The following LETM1 variants were observed in gnomAD, a reference collection of about 807,000 sequenced individuals.
The protein encoded by LETM1 is mitochondrial proton/calcium exchanger protein.
Under a neutral mutation model 74.5 loss-of-function variants are expected in LETM1, and 50 were observed. That is an observed-to-expected ratio of 0.67 (90% CI 0.53 to 0.85). The LOEUF is 0.85. LETM1 is among the 40% of genes least tolerant of loss of function. LETM1 has a pLI of 0.00. For missense variants in LETM1, 824 were observed against 967.8 expected, an observed-to-expected ratio of 0.85 and a Z score of 1.97; for synonymous variants, 446 against 407.1, an observed-to-expected ratio of 1.10 and a Z score of -1.15.
rs560051615 is a variant in LETM1 at position 1,819,598 on chromosome 4, T to C, written c.1609-126A>G. 49 of 1,121,044 alleles carry C rather than the reference T, an allele frequency of 4.4e-5. No homozygotes were observed. In the African/African-American group the frequency reaches 6.0e-4, roughly 14 times the overall value. 69.4% of individuals were successfully genotyped at this position (1,121,044 alleles called of 1,614,324 possible). A position where few individuals can be genotyped will look rare whatever the true frequency, so the allele number is the denominator to read the frequency against. ...GGGCAAGAGTCTCACTGGACAGTCA[T>C]TGGTAACAAGAGACCCGCGGGGTTC... On this transcript the variant is annotated intron_variant, in intron 10 of 13. Transcript: ENST00000302787.
intron 7 of LETM1, among the ~76,000 whole-genome samples, chr4:1,825,062 T>C (rs1711935064): frequency 6.6e-6 from 1 of 151,938 alleles, no homozygotes; most frequent in African/African-American, 2.4e-5. Flanking sequence ...CATGTAAGAG[T>C]GAGTGGCTGG....
At chr4:1,820,097 T>C (rs965920859) in intron 10 of LETM1, among the ~76,000 whole-genome samples, 3 of 152,164 alleles carry the variant, frequency 2.0e-5, no homozygotes, top group African/African-American at 7.2e-5. Flanking sequence ...CTGACATATC[T>C]GTCCAACTTT....
intron 2 of LETM1, among the ~76,000 whole-genome samples, chr4:1,843,385 C>T (rs998223475): frequency 2.0e-5 from 3 of 152,210 alleles, no homozygotes; most frequent in Middle Eastern, 3.2e-3. Context: ...TGGGGATCCT[C>T]GGCTTGCAGC....
rs111465932 is a variant in LETM1, at chr4:1,818,866, G to T, written c.1743+472C>A. Among the ~76,000 whole-genome samples, 312 of 152,162 alleles carry T rather than the reference G, an allele frequency of 2.1e-3. 1 individual carries two copies. Among genetic ancestry groups the T allele is most frequent in the African/African-American group, 7.2e-3 (300 of 41,528 alleles). ...AGAGGGCGAGGCAGGTCGGTCACCT[G>T]GGGCCAGGAGTTCGAGATGAGCCTG... On this transcript the variant is annotated intron_variant, in intron 11 of 13. Transcript: ENST00000302787.
At chr4:1,821,110 G>T (rs1425968067) in intron 10 of LETM1, among the ~76,000 whole-genome samples, 2 of 151,094 alleles carry the variant, frequency 1.3e-5, no homozygotes, top group Admixed American at 1.3e-4. Flanking sequence ...TATTTGATTT[G>T]CTAAAAAGTG....
chr4:1,841,843 C>T, intron 2 of LETM1, 46 bp from the exon 3 acceptor site: 1 of 1,411,582 alleles, frequency 7.1e-7, no homozygotes, highest in Non-Finnish European at 9.8e-7. Context: ...CCAGCACTAG[C>T]CTTTGACAGC....
intron 1 of LETM1, among the ~76,000 whole-genome samples, chr4:1,851,207 C>T (rs1713059991): frequency 6.6e-6 from 1 of 152,184 alleles, no homozygotes; most frequent in Admixed American, 6.6e-5. Context: ...GGTGCCAGGC[C>T]AGGCTGTGCA....
At chr4:1,815,600 C>A (rs1381115289) in intron 13 of LETM1, 64 bp downstream of exon 13, 1 of 1,587,888 alleles carries the variant, frequency 6.3e-7, no homozygotes, top group African/African-American at 1.3e-5. Flanking sequence ...ATGAACAGTC[C>A]CCCTGCCCCA....
At chr4:1,843,337 G>A (rs1478404142) in intron 2 of LETM1, 1 of 153,068 alleles carries the variant, frequency 6.5e-6, no homozygotes, top group African/African-American at 2.4e-5. Flanking sequence ...CTGGAAGCCA[G>A]GCGGGGAACT....
intron 11 of LETM1, among the ~76,000 whole-genome samples, chr4:1,817,163 T>TGAACCCAG (rs1292313375): frequency 6.7e-6 from 1 of 149,860 alleles, no homozygotes. Context: ...GAGAATCGCT[T>TGAACCCAG]GAACCCAGGA....
At chr4:1,833,585 G>T (rs1712355840) in intron 5 of LETM1, 1 of 157,390 alleles carries the variant, frequency 6.4e-6, no homozygotes, top group Non-Finnish European at 1.4e-5. Context: ...GAGCCTTGGG[G>T]GAGGGGTGGC....
rs1181876778 is a variant in LETM1 at position 1,832,630 on chromosome 4, T to C, written c.1080+114A>G. On this transcript the variant is annotated intron_variant, in intron 6 of 13. Coordinates refer to ENST00000302787, the MANE Select transcript of LETM1 (RefSeq NM_012318.3). Reference sequence around the variant, plus strand: ...GTGGCAAGACTCCTAGTGAGCTTATTTTCGATCGTTCAGCATCTTCCAGAG... The same window carrying C: ...GTGGCAAGACTCCTAGTGAGCTTATCTTCGATCGTTCAGCATCTTCCAGAG... The C allele has an allele frequency of 2.9e-6, 3 of 1,021,146 alleles. No homozygotes were observed. The Admixed American group carries it at 6.5e-5, about 22-fold the overall frequency. 63.3% of individuals were successfully genotyped at this position (1,021,146 alleles called of 1,614,324 possible). A position where few individuals can be genotyped will look rare whatever the true frequency, so the allele number is the denominator to read the frequency against.
Position 1,832,932 on chromosome 4 carries a change from C to G in LETM1, c.892G>C (p.Glu298Gln), listed in dbSNP as rs548475002. Residue 298 changes from glutamate to glutamine, a missense_variant, in exon 6 of 14, where the codon GAG (glutamate) becomes CAG (glutamine). This residue lies in a region of LETM1 where 269 missense variants were observed against 348.8 expected (regional missense o/e 0.77). Coordinates refer to ENST00000302787, the MANE Select transcript of LETM1 (RefSeq NM_012318.3). ...ATGATTTCCTCATTGCTGGGCCTCT[C>G]CCCTGTTTCCCGGATCTGCGGAAGT... The part of the protein sequence containing the change: ...VFFQKIRETG[E>Q]RPSNEEIMRF... 1.9e-6 allele frequency: 3 copies of G among 1,612,216 alleles called. No individual in the cohort carries two copies. The South Asian group carries it at 3.3e-5, about 18-fold the overall frequency.
In LETM1 at chr4:1,816,601, G is replaced by A. The variant is rs1711578168; in HGVS notation, c.1931+126C>T. 7 of 859,274 alleles carry A rather than the reference G, an allele frequency of 8.1e-6. No individual in the cohort carries two copies. The East Asian group carries it at 1.3e-4, about 16-fold the overall frequency. The allele number at this position is 859,274 out of a possible 1,614,324, so 53.2% of individuals were successfully genotyped here. On this transcript the variant is annotated intron_variant, in intron 12 of 13. Coordinates refer to ENST00000302787, the MANE Select transcript of LETM1 (RefSeq NM_012318.3). The stretch of plus-strand genomic sequence containing the variant: ...GCTGGGACTGCTGGTCAAAGGTGGA[G>A]AGGCAGCCAGGCAGAGGCTACAATG...
intron 2 of LETM1, 76 bp from the exon 3 acceptor site, chr4:1,841,873 G>T: frequency 9.3e-7 from 1 of 1,076,168 alleles, no homozygotes; most frequent in Non-Finnish European, 1.4e-6. Context: ...AACACCAACA[G>T]CAGCAAAACC....
At chr4:1,822,582 G>A (rs1711820291) in intron 9 of LETM1, 1 of 356,270 alleles carries the variant, frequency 2.8e-6, no homozygotes, top group South Asian at 1.4e-4. Flanking sequence ...CAGAGCAGGA[G>A]GCTGAGCCTG....
At position 1,816,861 on chromosome 4, in the gene LETM1, C is replaced by T. The variant is rs779486422; in HGVS notation, c.1797G>A (p.Val599=). ...ELSKTGEEKY[V]EESKASKRLT... ...ATCTCTTGCTGGCTTTAGATTCTTC[C>T]ACGTACTTTTCTTCACCAGTCTTTG... The change falls in exon 12 of 14, where the codon GTG becomes GTA. Residue 599 remains valine (V), a synonymous_variant. Coordinates refer to ENST00000302787, the MANE Select transcript of LETM1 (RefSeq NM_012318.3). 5.0e-6 allele frequency: 8 copies of T among 1,614,036 alleles called. No homozygotes were observed. In the South Asian group the frequency reaches 6.6e-5, roughly 13 times the overall value.
chr4:1,824,762 C>T (rs924643112), intron 7 of LETM1, among the ~76,000 whole-genome samples: 5 of 152,262 alleles, frequency 3.3e-5, no homozygotes, highest in Non-Finnish European at 7.3e-5. Flanking sequence ...CATATCCCCA[C>T]GGAGCTCCAG....
chr4:1,828,086 G>A (rs1712072679), intron 6 of LETM1, among the ~76,000 whole-genome samples: 4 of 135,646 alleles, frequency 2.9e-5, no homozygotes, highest in Non-Finnish European at 4.8e-5. Context: ...GCGGCTGGCC[G>A]GGCAGGGGGG....
Sources: gnomAD v4.1 joint callset for allele counts (sites outside exome capture counted in the v4.1 genomes callset) on GRCh38, gnomAD v4.1.1 for gene constraint, gnomAD v4.1.1 regional missense constraint, MANE v1.5 for transcripts, NCBI Gene and HGNC (gene_info 2026-07-23, HGNC 2026-07-21) for gene names.